POU2F1: variants seen among roughly 807,000 people sequenced by gnomAD.
The protein encoded by POU2F1 is POU domain, class 2, transcription factor 1.
A neutral mutation model predicts 84.9 loss-of-function variants in POU2F1; 16 were observed. The observed-to-expected ratio is 0.19, with a 90% CI of 0.13 to 0.29. The LOEUF is 0.29. Among genes scored for constraint, POU2F1 ranks in the 10% least tolerant of loss-of-function variants. The pLI, the probability that POU2F1 is intolerant of heterozygous loss-of-function variation, is 1.00. For missense variants in POU2F1, 738 were observed against 942.6 expected, an observed-to-expected ratio of 0.78 and a Z score of 2.84; for synonymous variants, 368 against 368.3, an observed-to-expected ratio of 1.00 and a Z score of 0.01.
intron 1 of POU2F1, among the ~76,000 whole-genome samples, chr1:167,268,766 C>A (rs748992444): frequency 6.6e-6 from 1 of 152,040 alleles, no homozygotes; most frequent in African/African-American, 2.4e-5. Context: ...CAATGCACAC[C>A]GAGTAGTAAA....
At chr1:167,309,295 G>A (rs1190443380) in intron 1 of POU2F1, among the ~76,000 whole-genome samples, 1 of 151,922 alleles carries the variant, frequency 6.6e-6, no homozygotes, top group Non-Finnish European at 1.5e-5. Context: ...GTTTATTTTT[G>A]CATTTATATA....
intron 1 of POU2F1, among the ~76,000 whole-genome samples, chr1:167,320,070 T>C (rs552856800): frequency 3.3e-5 from 5 of 151,624 alleles, no homozygotes; most frequent in African/African-American, 9.8e-5. Flanking sequence ...CTAATGTGAG[T>C]TGATGTAAAT....
chr1:167,313,558 A>G (rs545745970), intron 1 of POU2F1, among the ~76,000 whole-genome samples: 1 of 152,344 alleles, frequency 6.6e-6, no homozygotes, highest in Non-Finnish European at 1.5e-5. Context: ...AGGTACAAAA[A>G]CAATTCAATG....
intron 1 of POU2F1, among the ~76,000 whole-genome samples, chr1:167,284,933 G>C (rs1257543475): frequency 2.0e-5 from 3 of 152,208 alleles, no homozygotes; most frequent in African/African-American, 7.2e-5. Flanking sequence ...AAGTATAACA[G>C]AATAACTTGT....
chr1:167,232,987 C>T lies in POU2F1; in HGVS notation c.61+12029C>T, dbSNP rs140339434. On this transcript the variant is annotated intron_variant, in intron 1 of 15. Coordinates refer to ENST00000367866, the MANE Select transcript of POU2F1 (RefSeq NM_002697.4). The stretch of plus-strand genomic sequence containing the variant: ...CAGTAATGCTGTAGGCCTTCATATT[C>T]GCTCACTCGTCATTCATTGACTCAC... 3.8e-3 allele frequency among the ~76,000 whole-genome samples: 581 copies of T among 152,144 alleles called. 1 individual carries two copies. The highest frequency in any genetic ancestry group is 0.013 in the African/African-American group (534 of 41,488).
intron 2 of POU2F1, among the ~76,000 whole-genome samples, chr1:167,355,199 G>A (rs929665502): frequency 1.4e-5 from 2 of 146,252 alleles, no homozygotes; most frequent in African/African-American, 5.0e-5. Flanking sequence ...ATAGTGTAAT[G>A]TGTCTAGTTT....
Position 167,402,085 on chromosome 1 carries a change from G to C in POU2F1, c.1555+529G>C, listed in dbSNP as rs141919078. The stretch of plus-strand genomic sequence containing the variant: ...ATTTGATTATTCTTTTTGAACTCTT[G>C]ATGCCTAGCTCAGTGCATGACATAC... On this transcript the variant is annotated intron_variant, in intron 13 of 15. Coordinates refer to ENST00000367866, the MANE Select transcript of POU2F1 (RefSeq NM_002697.4). Among the ~76,000 whole-genome samples the C allele has an allele frequency of 3.3e-3, 497 of 152,194 alleles. 1 individual carries two copies. Among genetic ancestry groups the C allele is most frequent in the Middle Eastern group, 6.8e-3 (2 of 294 alleles).
At chr1:167,311,188 A>G (rs1319018608) in intron 1 of POU2F1, among the ~76,000 whole-genome samples, 2 of 152,220 alleles carry the variant, frequency 1.3e-5, no homozygotes, top group African/African-American at 4.8e-5. Flanking sequence ...AAGATACATT[A>G]TAATAAAACT....
In POU2F1 at chr1:167,374,008, G is replaced by A. The variant is rs1660168254; in HGVS notation, c.403-100G>A. 13 of 1,099,730 alleles carry A rather than the reference G, an allele frequency of 1.2e-5. No homozygotes were observed. The South Asian group carries it at 1.7e-4, about 14-fold the overall frequency. 68.1% of individuals were successfully genotyped at this position (1,099,730 alleles called of 1,614,324 possible). ...TAAGCAAGTGAAGTTGGGTAGCTGG[G>A]GACTGATATCATTTGAGTTACCTAT... On this transcript the variant is annotated intron_variant, in intron 5 of 15. Transcript: ENST00000367866.
At chr1:167,222,958 C>CT (rs556419066) in intron 1 of POU2F1, among the ~76,000 whole-genome samples, 12 of 151,436 alleles carry the variant, frequency 7.9e-5, no homozygotes, top group Non-Finnish European at 1.3e-4. Context: ...AAAACTGACA[C>CT]TTTTTTTTTC....
In POU2F1 at chr1:167,374,231, A is replaced by G; in HGVS notation, c.526A>G (p.Ile176Val). Residue 176 changes from isoleucine (I) to valine (V), a missense_variant, in exon 6 of 16, where the codon ATC (isoleucine) becomes GTC (valine). Coordinates refer to ENST00000367866, the MANE Select transcript of POU2F1 (RefSeq NM_002697.4). Reference protein sequence around the residue: ...SQQHSAAGATISASAATPMTQ... With the variant: ...SQQHSAAGATVSASAATPMTQ... ...GCAGCACAGTGCTGCTGGAGCCACC[A>G]TCTCCGCCTCTGCTGCCACGCCCAT... is the stretch of plus-strand genomic sequence containing the variant. The G allele has an allele frequency of 6.2e-7, 1 of 1,613,768 alleles. No homozygotes were observed. Among genetic ancestry groups the G allele is most frequent in the South Asian group, 1.1e-5 (1 of 91,048 alleles).
intron 13 of POU2F1, among the ~76,000 whole-genome samples, chr1:167,408,621 T>G (rs1018864668): frequency 5.3e-5 from 8 of 152,188 alleles, no homozygotes; most frequent in African/African-American, 1.9e-4. Flanking sequence ...AGACTACATA[T>G]TGTATGATTC....
intron 1 of POU2F1, among the ~76,000 whole-genome samples, chr1:167,313,549 G>A (rs1380083689): frequency 6.6e-6 from 1 of 151,918 alleles, no homozygotes; most frequent in Admixed American, 6.6e-5. Context: ...TTGTGACTAA[G>A]GTACAAAAAC....
intron 8 of POU2F1, among the ~76,000 whole-genome samples, chr1:167,385,050 T>C (rs1261261446): frequency 3.3e-5 from 5 of 152,096 alleles, no homozygotes; most frequent in Non-Finnish European, 7.4e-5. Context: ...TTCTATACAC[T>C]AGCAGTGAGC....
At position 167,308,601 on chromosome 1, in the gene POU2F1, C is replaced by A. The variant is rs1322614022; in HGVS notation, c.62-23869C>A. Reference sequence around the variant, plus strand: ...AGTACAGTGGCATAATCATAGCTCACTGAAGCTTCAAACTCCTAGGCTTAA... The same window carrying A: ...AGTACAGTGGCATAATCATAGCTCAATGAAGCTTCAAACTCCTAGGCTTAA... On this transcript the variant is annotated intron_variant, in intron 1 of 15. Coordinates refer to ENST00000367866, the MANE Select transcript of POU2F1 (RefSeq NM_002697.4). 2.0e-5 allele frequency among the ~76,000 whole-genome samples: 3 copies of A among 152,158 alleles called. No homozygotes were observed. In the East Asian group the frequency reaches 5.8e-4, roughly 29 times the overall value.
At chr1:167,317,197 C>T (rs899207913) in intron 1 of POU2F1, among the ~76,000 whole-genome samples, 4 of 152,156 alleles carry the variant, frequency 2.6e-5, no homozygotes, top group Admixed American at 6.6e-5. Context: ...CTGGCTAGAA[C>T]TCTAATACTA....
intron 2 of POU2F1, among the ~76,000 whole-genome samples, chr1:167,340,668 G>A (rs973117786): frequency 4.5e-4 from 68 of 151,890 alleles, no homozygotes; most frequent in Non-Finnish European, 1.9e-4. Context: ...CTGGCATCAA[G>A]CGATCCACCT....
chr1:167,245,731 A>T (rs1444886564), intron 1 of POU2F1, among the ~76,000 whole-genome samples: 3 of 151,892 alleles, frequency 2.0e-5, no homozygotes, highest in South Asian at 4.2e-4. Flanking sequence ...TAAAAAAAAA[A>T]CTTTTTTTGT....
chr1:167,247,959 G>A (rs1322136252), intron 1 of POU2F1, among the ~76,000 whole-genome samples: 1 of 152,204 alleles, frequency 6.6e-6, no homozygotes, highest in African/African-American at 2.4e-5. Flanking sequence ...CAGTGAGGGG[G>A]AAGTATCTTT....
Sources: gnomAD v4.1 joint callset for allele counts (sites outside exome capture counted in the v4.1 genomes callset) on GRCh38, gnomAD v4.1.1 for gene constraint, MANE v1.5 for transcripts, NCBI Gene and HGNC (gene_info 2026-07-23, HGNC 2026-07-21) for gene names.